Variants in ZBTB20 observed in about 807,000 individuals in gnomAD.
The protein encoded by ZBTB20 is zinc finger and BTB domain-containing protein 20.
Under a neutral mutation model 56.9 loss-of-function variants are expected in ZBTB20, and 9 were observed. The observed-to-expected ratio is 0.16, with a 90% CI of 0.10 to 0.28. The LOEUF is 0.28. Ranked by LOEUF, ZBTB20 falls within the 10% of genes least tolerant of loss-of-function variation. The pLI is 1.00. For missense variants in ZBTB20, 655 were observed against 1,003.0 expected (o/e 0.65, Z 4.69); for synonymous variants, 417 against 420.7 (o/e 0.99, Z 0.11).
chr3:114,878,481 T>C (rs1351234906), intron 4 of ZBTB20, among the ~76,000 whole-genome samples: 1 of 151,140 alleles, frequency 6.6e-6, no homozygotes, highest in Non-Finnish European at 1.5e-5. Context: ...GTAAAATAGA[T>C]GTTAGGGGTA....
intron 2 of ZBTB20, among the ~76,000 whole-genome samples, chr3:115,014,549 CTACT>C (rs2079862398): frequency 6.6e-6 from 1 of 151,370 alleles, no homozygotes. Context: ...ATATATATAC[CTACT>C]AAGTATCCAC....
intron 6 of ZBTB20, among the ~76,000 whole-genome samples, chr3:114,554,049 A>G (rs1027095543): frequency 3.3e-5 from 5 of 152,290 alleles, no homozygotes; most frequent in African/African-American, 1.2e-4. Context: ...AAGCAGTCAA[A>G]ACTTCATATA....
chr3:114,814,219 T>G (rs1473635733), intron 4 of ZBTB20, among the ~76,000 whole-genome samples: 4 of 150,346 alleles, frequency 2.7e-5, no homozygotes, highest in African/African-American at 9.7e-5. Context: ...TTACCCATTT[T>G]ATTTTTTATT....
At chr3:114,951,504 G>T (rs533213963) in intron 3 of ZBTB20, among the ~76,000 whole-genome samples, 2 of 152,180 alleles carry the variant, frequency 1.3e-5, no homozygotes, top group African/African-American at 4.8e-5. Flanking sequence ...AATTAAGAAT[G>T]AAATTAACAG....
intron 4 of ZBTB20, among the ~76,000 whole-genome samples, chr3:114,806,968 G>C (rs2072151194): frequency 6.6e-6 from 1 of 151,804 alleles, no homozygotes; most frequent in South Asian, 2.1e-4. Flanking sequence ...CCATTCCATT[G>C]ATCTGTATGC....
rs187310246 is a variant in ZBTB20 at position 114,597,023 on chromosome 3, A to G, written c.-295+96505T>C. On this transcript the variant is annotated intron_variant, in intron 6 of 11. Transcript: ENST00000675478. The stretch of plus-strand genomic sequence containing the variant: ...TCAAATATAAATACTTCCCGACTCA[A>G]TCCTAAAGCAAATTAAAAAAATATA... Among the ~76,000 whole-genome samples the G allele has an allele frequency of 7.2e-3, 1,090 of 152,088 alleles. 8 individuals carry two copies. Among genetic ancestry groups the G allele is most frequent in the Middle Eastern group, 0.017 (5 of 294 alleles).
At position 114,327,386 on chromosome 3, in the gene ZBTB20, T is replaced by C. The variant is rs1030747838; in HGVS notation, c.*11619A>G. ...AGCATTTTAGGATTTAAAAGAGTCT[T>C]TCTTCCTTTGGAAGCCAGTGCCTAA... On this transcript the variant is annotated 3_prime_UTR_variant, in exon 12 of 12. Transcript: ENST00000675478. 5 of 152,116 alleles carry C rather than the reference T, an allele frequency of 3.3e-5. No homozygotes were observed. Among genetic ancestry groups the C allele is most frequent in the Non-Finnish European group, 7.4e-5 (5 of 67,998 alleles). 9.4% of individuals were successfully genotyped at this position (152,116 alleles called of 1,614,324 possible).
chr3:115,036,254 T>TA (rs1276761023), intron 2 of ZBTB20, among the ~76,000 whole-genome samples: 1 of 151,378 alleles, frequency 6.6e-6, no homozygotes. Context: ...TTTACTACAA[T>TA]AAAAAAGTTG....
At chr3:115,080,770 A>T (rs1327958533) in intron 1 of ZBTB20, among the ~76,000 whole-genome samples, 2 of 152,124 alleles carry the variant, frequency 1.3e-5, no homozygotes, top group African/African-American at 4.8e-5. Context: ...GCCATCAGGG[A>T]TTTTCTTTTT....
chr3:114,583,651 TA>T (rs1322215312), intron 6 of ZBTB20, among the ~76,000 whole-genome samples: 1 of 152,136 alleles, frequency 6.6e-6, no homozygotes, highest in Admixed American at 6.5e-5. Context: ...TTACAAAAGA[TA>T]AAAATTAATT....
intron 6 of ZBTB20, among the ~76,000 whole-genome samples, chr3:114,682,780 T>G (rs532881096): frequency 6.6e-6 from 1 of 152,194 alleles, no homozygotes; most frequent in East Asian, 1.9e-4. Flanking sequence ...CTCTCTATAA[T>G]AGAACTTTAC....
chr3:114,416,015 C>T (rs2088510302), intron 7 of ZBTB20, among the ~76,000 whole-genome samples: 2 of 152,082 alleles, frequency 1.3e-5, no homozygotes, highest in Admixed American at 6.6e-5. Flanking sequence ...TTCCTCTTCA[C>T]TTTTCACATG....
rs180852161 is a variant in ZBTB20 at position 115,067,765 on chromosome 3, C to T, written c.-507+3454G>A. Among the ~76,000 whole-genome samples, 251 of 152,250 alleles carry T rather than the reference C, an allele frequency of 1.6e-3. 1 individual carries two copies. The highest frequency in any genetic ancestry group is 3.4e-3 in the Middle Eastern group (1 of 294). On this transcript the variant is annotated intron_variant, in intron 2 of 11. Coordinates refer to ENST00000675478, the MANE Select transcript of ZBTB20 (RefSeq NM_001348800.3). The stretch of plus-strand genomic sequence containing the variant: ...CACTTGAATTGTACACTTCTTCTAT[C>T]GTATCAACTTCATGTACCATGATAT...
At chr3:114,459,547 G>A (rs1286883578) in intron 7 of ZBTB20, among the ~76,000 whole-genome samples, 1 of 152,084 alleles carries the variant, frequency 6.6e-6, no homozygotes, top group Non-Finnish European at 1.5e-5. Context: ...TATATTTAAT[G>A]TATTGTCCAG....
At chr3:114,900,907 A>C (rs1424510880) in intron 3 of ZBTB20, among the ~76,000 whole-genome samples, 1 of 152,202 alleles carries the variant, frequency 6.6e-6, no homozygotes, top group Non-Finnish European at 1.5e-5. Flanking sequence ...AGGAATGCTA[A>C]CACCACGTCG....
chr3:114,425,943 CA>C (rs2089614478), intron 7 of ZBTB20, among the ~76,000 whole-genome samples: 1 of 152,174 alleles, frequency 6.6e-6, no homozygotes, highest in Non-Finnish European at 1.5e-5. Context: ...AGCCACTTAT[CA>C]AATTTAGAAA....
chr3:114,994,387 A>G lies in ZBTB20; in HGVS notation c.-506-19971T>C, dbSNP rs1285675711. Reference sequence around the variant, plus strand: ...AAGGAATGGATAATCGTAGCCTGATATAAACTATTACAGAAAGAAAAATAA... The same window carrying G: ...AAGGAATGGATAATCGTAGCCTGATGTAAACTATTACAGAAAGAAAAATAA... On this transcript the variant is annotated intron_variant, in intron 2 of 11. Coordinates refer to ENST00000675478, the MANE Select transcript of ZBTB20 (RefSeq NM_001348800.3). 3.3e-5 allele frequency among the ~76,000 whole-genome samples: 5 copies of G among 151,912 alleles called. No individual in the cohort carries two copies. In the East Asian group the frequency reaches 9.7e-4, roughly 30 times the overall value.
intron 7 of ZBTB20, among the ~76,000 whole-genome samples, chr3:114,473,919 C>G (rs2040437945): frequency 6.6e-6 from 1 of 152,122 alleles, no homozygotes; most frequent in Non-Finnish European, 1.5e-5. Flanking sequence ...AATACATACC[C>G]AAGATTGGGA....
In ZBTB20 at chr3:114,332,464, A is replaced by G. The variant is rs1341137884; in HGVS notation, c.*6541T>C. On this transcript the variant is annotated 3_prime_UTR_variant, in exon 12 of 12. Coordinates refer to ENST00000675478, the MANE Select transcript of ZBTB20 (RefSeq NM_001348800.3). Reference sequence around the variant, plus strand: ...TTATAGGATTCTATTTAGTAATATGATGTCTATTTTACATTCAGCCCCAAC... The same window carrying G: ...TTATAGGATTCTATTTAGTAATATGGTGTCTATTTTACATTCAGCCCCAAC... The G allele has an allele frequency of 6.6e-6, 1 of 152,176 alleles. No individual in the cohort carries two copies. Among genetic ancestry groups the G allele is most frequent in the Non-Finnish European group, 1.5e-5 (1 of 68,034 alleles). 9.4% of individuals were successfully genotyped at this position (152,176 alleles called of 1,614,324 possible).
Sources: allele counts gnomAD v4.1 joint callset (sites outside exome capture counted in the v4.1 genomes callset), GRCh38; gene constraint gnomAD v4.1.1; transcripts MANE v1.5; gene names NCBI Gene and HGNC (gene_info 2026-07-23, HGNC 2026-07-21).